IFNLR1: variants seen among roughly 807,000 people sequenced by gnomAD.
IFNLR1 encodes the protein interferon lambda receptor 1, also known as CRF2-12.
A neutral mutation model predicts 52.5 loss-of-function variants in IFNLR1; 28 were observed. The observed-to-expected ratio is 0.53, with a 90% CI of 0.40 to 0.73. The LOEUF (loss-of-function observed/expected upper bound fraction) is 0.73. Among genes scored for constraint, IFNLR1 ranks in the 30% least tolerant of loss-of-function variants. The pLI, the probability that IFNLR1 is intolerant of heterozygous loss-of-function variation, is 0.00. For missense variants in IFNLR1, 623 were observed against 659.1 expected, an observed-to-expected ratio of 0.95 and a Z score of 0.60; for synonymous variants, 276 against 274.9, an observed-to-expected ratio of 1.00 and a Z score of -0.04.
At chr1:24,163,556 C>A (rs1326640997) in intron 3 of IFNLR1, among the ~76,000 whole-genome samples, 1 of 151,116 alleles carries the variant, frequency 6.6e-6, no homozygotes, top group Non-Finnish European at 1.5e-5. Context: ...CCTCTGTCCC[C>A]CACCCAAAAT....
chr1:24,156,763 G>A lies in IFNLR1; in HGVS notation c.*367C>T. 4.6e-6 allele frequency: 1 copy of A among 215,774 alleles called. No individual in the cohort carries two copies. The highest frequency in any genetic ancestry group is 1.7e-3 in the Middle Eastern group (1 of 594). 13.4% of individuals were successfully genotyped at this position (215,774 alleles called of 1,614,324 possible). A position where few individuals can be genotyped will look rare whatever the true frequency, so the allele number is the denominator to read the frequency against. Reference sequence around the variant, plus strand: ...GGTCTCAAGTTCCAGAGGGCCCCTTGGTGGTGTCCGCCCTTGATGTCCGCA... The same window carrying A: ...GGTCTCAAGTTCCAGAGGGCCCCTTAGTGGTGTCCGCCCTTGATGTCCGCA... On this transcript the variant is annotated 3_prime_UTR_variant, in exon 7 of 7. Transcript: ENST00000327535.
At chr1:24,166,167 C>T (rs909896611) in intron 3 of IFNLR1, among the ~76,000 whole-genome samples, 3 of 141,434 alleles carry the variant, frequency 2.1e-5, no homozygotes, top group Non-Finnish European at 4.6e-5. Context: ...TCTTATCCTT[C>T]CTTTCCTTCC....
Position 24,155,054 on chromosome 1 carries a change from G to A in IFNLR1, c.*2076C>T, listed in dbSNP as rs540628060. 1.3e-5 allele frequency: 2 copies of A among 152,186 alleles called. No individual in the cohort carries two copies. Among genetic ancestry groups the A allele is most frequent in the African/African-American group, 2.4e-5 (1 of 41,426 alleles). 9.4% of individuals were successfully genotyped at this position (152,186 alleles called of 1,614,324 possible). A position where few individuals can be genotyped will look rare whatever the true frequency, so the allele number is the denominator to read the frequency against. On this transcript the variant is annotated 3_prime_UTR_variant, in exon 7 of 7. Coordinates refer to ENST00000327535, the MANE Select transcript of IFNLR1 (RefSeq NM_170743.4). ...CTCGGCTGGTGCCAGAGAGAACATC[G>A]GTACAGGTCTGGGAATTTCCCTGGG...
chr1:24,168,705 G>A (rs1644544948), intron 3 of IFNLR1, among the ~76,000 whole-genome samples: 1 of 150,566 alleles, frequency 6.6e-6, no homozygotes, highest in Non-Finnish European at 1.5e-5. Flanking sequence ...TTTCTACAGT[G>A]TATAGAAAAT....
intron 4 of IFNLR1, 120 bp from the exon 5 acceptor site, chr1:24,159,753 T>G (rs1644423807): frequency 1.2e-6 from 1 of 865,442 alleles, no homozygotes; most frequent in Non-Finnish European, 1.7e-6. Flanking sequence ...TTTTTTTGTT[T>G]TTTTGTAGGG....
chr1:24,163,451 C>T (rs546895136), intron 3 of IFNLR1, among the ~76,000 whole-genome samples: 2 of 152,260 alleles, frequency 1.3e-5, no homozygotes, highest in African/African-American at 2.4e-5. Context: ...ATTAAGATTC[C>T]TACTGCCACG....
intron 4 of IFNLR1, 124 bp from the exon 5 acceptor site, chr1:24,159,757 T>G (rs1264915022): frequency 2.4e-6 from 2 of 845,826 alleles, no homozygotes; most frequent in Non-Finnish European, 3.6e-6. Flanking sequence ...TTTGTTTTTT[T>G]GTAGGGGATA....
chr1:24,157,603 C>A lies in IFNLR1; in HGVS notation c.1090G>T (p.Gly364Trp), dbSNP rs376141935. The stretch of plus-strand genomic sequence containing the variant: ...GCCCTGGGCCTCCCTGAGTCCACCC[C>A]ACCAGCCTCCGAGTGCCCTGGAGCC... ...HQAPGHSEAGGVDSGRPRAPL... is the reference protein window; with the variant it reads ...HQAPGHSEAGWVDSGRPRAPL... Residue 364 changes from glycine to tryptophan, a missense_variant, in exon 7 of 7, where the codon GGG (glycine) becomes TGG (tryptophan). Coordinates refer to ENST00000327535, the MANE Select transcript of IFNLR1 (RefSeq NM_170743.4). This position sits in a 1 kb window ranked among gnomAD's most constrained non-coding sequence, Gnocchi z 5.1. The A allele has an allele frequency of 2.5e-6, 4 of 1,609,960 alleles. No homozygotes were observed. The African/African-American group carries it at 5.4e-5, about 22-fold the overall frequency.
At chr1:24,169,678 T>C (rs1644558760) in intron 2 of IFNLR1, 77 bp from the exon 3 acceptor site, 3 of 1,436,712 alleles carry the variant, frequency 2.1e-6, no homozygotes, top group Non-Finnish European at 2.8e-6. Context: ...CAGTTGATCA[T>C]GCTTCCCTCT....
At chr1:24,171,866 G>A (rs1051951609) in intron 2 of IFNLR1, among the ~76,000 whole-genome samples, 1 of 151,738 alleles carries the variant, frequency 6.6e-6, no homozygotes, top group Non-Finnish European at 1.5e-5. Context: ...ATGTTGCCCA[G>A]GCTGGTCTCA....
rs1408240281 is a variant in IFNLR1 at position 24,159,767 on chromosome 1, A to G, written c.511-134T>C. ...TTTTTTTTGTTTTTTTGTAGGGGAT[A>G]GGGTTTGGTTCTGTCACCCAGGCCA... On this transcript the variant is annotated intron_variant, in intron 4 of 6. Coordinates refer to ENST00000327535, the MANE Select transcript of IFNLR1 (RefSeq NM_170743.4). The G allele has an allele frequency of 4.8e-5, 30 of 623,018 alleles. No homozygotes were observed. The African/African-American group carries it at 7.6e-4, about 16-fold the overall frequency. The allele number at this position is 623,018 out of a possible 1,614,324, so 38.6% of individuals were successfully genotyped here.
chr1:24,173,745 C>T (rs183504780), intron 2 of IFNLR1, among the ~76,000 whole-genome samples: 2,537 of 151,986 alleles, frequency 0.017, 67 homozygotes, highest in African/African-American at 0.058. Flanking sequence ...AACCCCTGGG[C>T]TCAAGGGATC....
chr1:24,167,869 T>C (rs1380250910), intron 3 of IFNLR1, among the ~76,000 whole-genome samples: 1 of 151,696 alleles, frequency 6.6e-6, no homozygotes, highest in African/African-American at 2.4e-5. Flanking sequence ...TAATTTTTTT[T>C]TGTATTTTTA....
At chr1:24,162,719 C>CT (rs762537917) in intron 3 of IFNLR1, among the ~76,000 whole-genome samples, 2 of 43,388 alleles carry the variant, frequency 4.6e-5, no homozygotes, top group Admixed American at 2.4e-4. Flanking sequence ...TTCTTTCTTT[C>CT]TTTCTTTTCT....
intron 2 of IFNLR1, 139 bp downstream of exon 2, chr1:24,180,592 G>A (rs985490302): frequency 2.2e-5 from 17 of 784,808 alleles, no homozygotes; most frequent in Middle Eastern, 3.8e-4. Flanking sequence ...TCCAAATGCC[G>A]GCCACATGCC....
Position 24,169,618 on chromosome 1 carries a change from G to A in IFNLR1, c.183-17C>T, listed in dbSNP as rs754647312. 4.5e-5 allele frequency: 72 copies of A among 1,608,328 alleles called. No homozygotes were observed. The highest frequency in any genetic ancestry group is 5.9e-5 in the Non-Finnish European group (70 of 1,177,232). On this transcript the variant is annotated splice_polypyrimidine_tract_variant and intron_variant, in intron 2 of 6. Coordinates refer to ENST00000327535, the MANE Select transcript of IFNLR1 (RefSeq NM_170743.4). ...GTGGGAGAGCTGGGGGAGGAGAGAGGAGAGCTTGGGCCATGGACTCAGCCT... is the reference window on the plus strand; with the variant it reads ...GTGGGAGAGCTGGGGGAGGAGAGAGAAGAGCTTGGGCCATGGACTCAGCCT...
chr1:24,177,043 G>T (rs1425887846), intron 2 of IFNLR1, among the ~76,000 whole-genome samples: 1 of 152,090 alleles, frequency 6.6e-6, no homozygotes, highest in African/African-American at 2.4e-5. Context: ...AAATAAAAAT[G>T]CCTTGGAACC....
At chr1:24,187,138 G>A in intron 1 of IFNLR1, 53 bp downstream of exon 1, 1 of 1,218,090 alleles carries the variant, frequency 8.2e-7, no homozygotes, top group Admixed American at 3.3e-5. Context: ...GGTAGGCGCG[G>A]CCCGGCCCGG....
chr1:24,157,732 C>T lies in IFNLR1; in HGVS notation c.961G>A (p.Asp321Asn). The change falls in exon 7 of 7, where the codon GAC becomes AAC. Residue 321 changes from aspartate to asparagine, a missense_variant. Transcript: ENST00000327535. This position sits in a 1 kb window ranked among gnomAD's most constrained non-coding sequence, Gnocchi z 5.1. ...TCCTCCTCTTCGTCCTCTGCAAGGT[C>T]CTTCTTCCATCTTGTCTGTTGGGTG... Reference protein sequence around the residue: ...PATQQTRWKKDLAEDEEEEDE... With the variant: ...PATQQTRWKKNLAEDEEEEDE... The T allele has an allele frequency of 6.2e-7, 1 of 1,614,220 alleles. No individual in the cohort carries two copies. The highest frequency in any genetic ancestry group is 1.1e-5 in the South Asian group (1 of 91,082).
Sources: gnomAD v4.1 joint callset for allele counts (sites outside exome capture counted in the v4.1 genomes callset) on GRCh38, gnomAD v4.1.1 for gene constraint, Gnocchi (gnomAD v3.1) non-coding constraint, MANE v1.5 for transcripts, NCBI Gene and HGNC (gene_info 2026-07-23, HGNC 2026-07-21) for gene names.